PBX3: variants seen among roughly 807,000 people sequenced by gnomAD.
PBX3 encodes the protein PBX homeobox 3.
In PBX3, 14 loss-of-function variants were observed where a neutral mutation model predicts 48.5. That is an observed-to-expected ratio of 0.29 (90% CI 0.19 to 0.45). PBX3 has a LOEUF of 0.45. PBX3 is among the 20% of genes least tolerant of loss of function. PBX3 has a pLI of 1.00. For synonymous variants in PBX3, 210 were observed against 200.3 expected, an observed-to-expected ratio of 1.05 and a Z score of -0.41; for missense variants, 386 against 546.7, an observed-to-expected ratio of 0.71 and a Z score of 2.93.
At chr9:125,843,234 A>G (rs1162995031) in intron 2 of PBX3, among the ~76,000 whole-genome samples, 1 of 152,188 alleles carries the variant, frequency 6.6e-6, no homozygotes, top group Non-Finnish European at 1.5e-5. Context: ...AGAGACTGAC[A>G]TTCTTACATG....
At chr9:125,842,352 A>G (rs1588209064) in intron 2 of PBX3, among the ~76,000 whole-genome samples, 1 of 152,138 alleles carries the variant, frequency 6.6e-6, no homozygotes. Context: ...TTATTGTAAA[A>G]CACATTCATG....
chr9:125,901,368 A>G (rs1029053106), intron 2 of PBX3, among the ~76,000 whole-genome samples: 1 of 151,770 alleles, frequency 6.6e-6, no homozygotes, highest in Non-Finnish European at 1.5e-5. Context: ...GTATTTTTAT[A>G]CAATAATCTT....
At chr9:125,843,785 T>G (rs1839351011) in intron 2 of PBX3, 1 of 455,808 alleles carries the variant, frequency 2.2e-6, no homozygotes, top group Non-Finnish European at 4.4e-6. Context: ...CATGAAATGA[T>G]GCTGAGAGAA....
At chr9:125,960,966 A>T in intron 6 of PBX3, 117 bp downstream of exon 6, 1 of 585,004 alleles carries the variant, frequency 1.7e-6, no homozygotes, top group Non-Finnish European at 2.7e-6. Flanking sequence ...AAAAAGGAAG[A>T]TTTATGTTCA....
chr9:125,768,807 A>T (rs1280052500), intron 2 of PBX3, among the ~76,000 whole-genome samples: 8 of 152,324 alleles, frequency 5.3e-5, no homozygotes, highest in Admixed American at 2.6e-4. Context: ...TTTCATACTC[A>T]CAGTGGAGGA....
intron 2 of PBX3, among the ~76,000 whole-genome samples, chr9:125,793,357 GA>G (rs374195121): frequency 0.031 from 3,404 of 108,996 alleles, 152 homozygotes; most frequent in African/African-American, 0.078. Flanking sequence ...ATTTGGGGGG[GA>G]AAAAAAAAAT....
chr9:125,748,838 C>G (rs952041377), intron 2 of PBX3: 2 of 384,240 alleles, frequency 5.2e-6, no homozygotes, highest in Admixed American at 8.0e-5. Flanking sequence ...AGGTGCGGAC[C>G]GGGCTGGATC....
chr9:125,910,076 T>C (rs1448493511), intron 2 of PBX3, among the ~76,000 whole-genome samples: 1 of 152,200 alleles, frequency 6.6e-6, no homozygotes, highest in Non-Finnish European at 1.5e-5. Flanking sequence ...ATGGGGAATC[T>C]TTCTAGTCAT....
chr9:125,948,462 A>G (rs1842112582), intron 5 of PBX3, among the ~76,000 whole-genome samples: 1 of 152,228 alleles, frequency 6.6e-6, no homozygotes, highest in Non-Finnish European at 1.5e-5. Flanking sequence ...AGATAACCAA[A>G]TAAAATTCCA....
At chr9:125,919,280 C>T (rs1841402298) in intron 3 of PBX3, among the ~76,000 whole-genome samples, 1 of 150,592 alleles carries the variant, frequency 6.6e-6, no homozygotes, top group Non-Finnish European at 1.5e-5. Flanking sequence ...GTGGTGCAAT[C>T]TCGGCTCACT....
intron 2 of PBX3, among the ~76,000 whole-genome samples, chr9:125,767,504 GA>G (rs1836829934): frequency 6.6e-6 from 1 of 152,186 alleles, no homozygotes; most frequent in Non-Finnish European, 1.5e-5. Context: ...TGGTACTCCA[GA>G]AAGCTGTAGT....
chr9:125,902,408 C>T (rs1840968914), intron 2 of PBX3, among the ~76,000 whole-genome samples: 1 of 151,590 alleles, frequency 6.6e-6, no homozygotes, highest in South Asian at 2.1e-4. Flanking sequence ...TATTGGTTGT[C>T]TTCAGCAGAG....
intron 1 of PBX3, 56 bp downstream of exon 1, chr9:125,747,709 C>G: frequency 7.2e-7 from 1 of 1,382,260 alleles, no homozygotes; most frequent in South Asian, 1.5e-5. Context: ...GGGCCCGCGG[C>G]CGAGTCGAGG....
At chr9:125,834,902 A>C (rs1055986656) in intron 2 of PBX3, among the ~76,000 whole-genome samples, 10 of 149,530 alleles carry the variant, frequency 6.7e-5, no homozygotes, top group Admixed American at 1.3e-4. Context: ...CTGTAATCCC[A>C]GCTATTCAGG....
At chr9:125,865,255 G>A (rs928862906) in intron 2 of PBX3, 2 of 169,172 alleles carry the variant, frequency 1.2e-5, no homozygotes, top group African/African-American at 4.8e-5. Flanking sequence ...TTTTTTCTAC[G>A]AAGAGGTCTT....
At chr9:125,928,219 T>A (rs904107615) in intron 3 of PBX3, among the ~76,000 whole-genome samples, 3 of 151,476 alleles carry the variant, frequency 2.0e-5, no homozygotes, top group Non-Finnish European at 4.4e-5. Flanking sequence ...TAATAAAAAA[T>A]ACATAAAAAA....
Position 125,892,301 on chromosome 9 carries a change from G to A in PBX3, c.275-23385G>A, listed in dbSNP as rs140553277. On this transcript the variant is annotated intron_variant, in intron 2 of 8. Transcript: ENST00000373489. ...CTACCCATTCAGAACAGTTTGTATC[G>A]TAATATCATTTACATAATGGTTTGC... Among the ~76,000 whole-genome samples the A allele has an allele frequency of 4.2e-3, 646 of 152,024 alleles. 7 individuals are homozygous for A. The highest frequency in any genetic ancestry group is 0.015 in the African/African-American group (617 of 41,470).
intron 2 of PBX3, among the ~76,000 whole-genome samples, chr9:125,884,535 C>T (rs1260349684): frequency 6.6e-6 from 1 of 152,216 alleles, no homozygotes; most frequent in Non-Finnish European, 1.5e-5. Context: ...AAAACCTATA[C>T]TCTCTTGGTT....
Position 125,747,515 on chromosome 9 carries a change from T to A in PBX3, c.62T>A (p.Val21Glu), listed in dbSNP as rs761376072. The A allele has an allele frequency of 2.5e-6, 4 of 1,598,270 alleles. No homozygotes were observed. The highest frequency in any genetic ancestry group is 2.6e-6 in the Non-Finnish European group (3 of 1,173,340). The change falls in exon 1 of 9, where the codon GTG becomes GAG. Residue 21 changes from valine (V) to glutamate (E), a missense_variant. By Grantham distance (121) the Val-to-Glu change is moderately radical. Transcript: ENST00000373489. Reference protein sequence around the residue: ...LAGVNLAGHSVQGGMALPPPP... With the variant: ...LAGVNLAGHSEQGGMALPPPP... ...GGGGTGAACCTGGCTGGCCACTCGG[T>A]GCAGGGGGGCATGGCCCTGCCGCCT...
Sources: allele counts gnomAD v4.1 joint callset (sites outside exome capture counted in the v4.1 genomes callset), GRCh38; gene constraint gnomAD v4.1.1; transcripts MANE v1.5; gene names NCBI Gene and HGNC (gene_info 2026-07-23, HGNC 2026-07-21).